SV2C: variants seen among roughly 807,000 people sequenced by gnomAD.
SV2C encodes the protein synaptic vesicle glycoprotein 2C.
SV2C carries 49 observed loss-of-function variants against 79.7 expected under a neutral mutation model. The observed-to-expected ratio is 0.61, with a 90% CI of 0.49 to 0.78. SV2C has a LOEUF of 0.78. SV2C is among the 30% of genes least tolerant of loss of function. The pLI, the probability that SV2C is intolerant of heterozygous loss-of-function variation, is 0.00. For missense variants in SV2C, 833 were observed against 912.9 expected (o/e 0.91, Z 1.13); for synonymous variants, 334 against 333.2 (o/e 1.00, Z -0.03).
the SV2C span, among the ~76,000 whole-genome samples, chr5:76,038,838 C>T: frequency 6.6e-6 from 1 of 152,188 alleles, no homozygotes; most frequent in Non-Finnish European, 1.5e-5. Flanking sequence ...TAATGAATAA[C>T]TCTGTAACAG....
At chr5:75,936,938 G>A in the SV2C span, among the ~76,000 whole-genome samples, 1 of 152,116 alleles carries the variant, frequency 6.6e-6, no homozygotes, top group East Asian at 1.9e-4. Flanking sequence ...CATAAAAATG[G>A]CCACACAAGC....
chr5:76,244,720 CA>C (rs554261121), intron 4 of SV2C, among the ~76,000 whole-genome samples: 43 of 152,276 alleles, frequency 2.8e-4, no homozygotes, highest in African/African-American at 9.9e-4. Context: ...CAAGTTGATC[CA>C]AACATACTTA....
Position 76,278,731 on chromosome 5 carries a change from G to A in SV2C, c.914-6431G>A, listed in dbSNP as rs72775716. Among the ~76,000 whole-genome samples the A allele has an allele frequency of 8.5e-3, 1,288 of 152,336 alleles. 8 individuals carry two copies. The highest frequency in any genetic ancestry group is 0.051 in the Middle Eastern group (15 of 294). ...GAAGATGAGCTCAGATACATGAATA[G>A]GAAGCAGTCTACATAGGCCTTAGGT... On this transcript the variant is annotated intron_variant, in intron 4 of 12. Coordinates refer to ENST00000502798, the MANE Select transcript of SV2C (RefSeq NM_014979.4).
the SV2C span, among the ~76,000 whole-genome samples, chr5:75,999,160 C>A: frequency 5.9e-5 from 9 of 152,068 alleles, no homozygotes; most frequent in African/African-American, 2.2e-4. Flanking sequence ...AAAGACTTGC[C>A]CCCATGATTC....
chr5:76,021,419 G>A, the SV2C span, among the ~76,000 whole-genome samples: 1 of 152,176 alleles, frequency 6.6e-6, no homozygotes, highest in South Asian at 2.1e-4. Flanking sequence ...GATAGCATCA[G>A]GTTTCCTATT....
the SV2C span, among the ~76,000 whole-genome samples, chr5:76,022,827 G>A: frequency 1.3e-5 from 2 of 152,096 alleles, no homozygotes; most frequent in South Asian, 2.1e-4. Flanking sequence ...CATCTTTGTT[G>A]TATTTTGATT....
At chr5:76,029,334 T>C in the SV2C span, among the ~76,000 whole-genome samples, 1 of 152,338 alleles carries the variant, frequency 6.6e-6, no homozygotes, top group East Asian at 1.9e-4. Context: ...ATATTCCTTC[T>C]ACCTAACTGA....
At chr5:76,114,771 C>T (rs1364400068) in intron 1 of SV2C, among the ~76,000 whole-genome samples, 3 of 152,214 alleles carry the variant, frequency 2.0e-5, no homozygotes, top group Non-Finnish European at 4.4e-5. Context: ...AGCCTGTGCT[C>T]GCCGGCTAGG....
At chr5:76,029,252 C>G in the SV2C span, among the ~76,000 whole-genome samples, 3 of 152,230 alleles carry the variant, frequency 2.0e-5, no homozygotes, top group African/African-American at 7.2e-5. Flanking sequence ...CATCTATCCT[C>G]TTACAATTTT....
chr5:76,246,041 T>C (rs1435522294), intron 4 of SV2C, among the ~76,000 whole-genome samples: 1 of 152,014 alleles, frequency 6.6e-6, no homozygotes, highest in Non-Finnish European at 1.5e-5. Context: ...GAAGGACATA[T>C]ATTTATCTTT....
At chr5:75,857,508 A>G in the SV2C span, among the ~76,000 whole-genome samples, 1 of 152,068 alleles carries the variant, frequency 6.6e-6, no homozygotes, top group Admixed American at 6.5e-5. Context: ...TTTGGTTACT[A>G]TAGCTCTGTA....
intron 2 of SV2C, among the ~76,000 whole-genome samples, chr5:76,148,170 G>A (rs1011633883): frequency 6.6e-6 from 1 of 152,144 alleles, no homozygotes; most frequent in Non-Finnish European, 1.5e-5. Context: ...GGAAGAGTGG[G>A]CTAAGGACAC....
At chr5:76,143,898 T>A (rs1381045806) in intron 2 of SV2C, among the ~76,000 whole-genome samples, 1 of 152,148 alleles carries the variant, frequency 6.6e-6, no homozygotes, top group East Asian at 1.9e-4. Context: ...GATTTAGTGC[T>A]CACAGAATCA....
At chr5:75,880,004 C>T in the SV2C span, among the ~76,000 whole-genome samples, 2 of 152,160 alleles carry the variant, frequency 1.3e-5, no homozygotes, top group Non-Finnish European at 1.5e-5. Flanking sequence ...AAGTGGCAAC[C>T]TGAGCTGTAT....
chr5:75,982,815 G>A, the SV2C span, among the ~76,000 whole-genome samples: 884 of 152,248 alleles, frequency 5.8e-3, 13 homozygotes, highest in African/African-American at 0.02. Flanking sequence ...CCTTTGCAGG[G>A]ACATGGATGG....
At chr5:76,262,330 CTTCT>C (rs760407884) in intron 4 of SV2C, among the ~76,000 whole-genome samples, 50 of 151,760 alleles carry the variant, frequency 3.3e-4, no homozygotes, top group Non-Finnish European at 6.8e-4. Flanking sequence ...TCCCTCTTTT[CTTCT>C]TTATTAGCCT....
the SV2C span, among the ~76,000 whole-genome samples, chr5:75,973,505 GAAAAAAAAGAA>G: frequency 6.7e-6 from 1 of 149,196 alleles, no homozygotes; most frequent in South Asian, 2.1e-4. Context: ...AAGAAAAAAA[GAAAAAAAAGAA>G]AAAGAAAAAA....
At chr5:76,131,160 G>T (rs552499037) in intron 1 of SV2C, among the ~76,000 whole-genome samples, 2 of 152,256 alleles carry the variant, frequency 1.3e-5, no homozygotes, top group African/African-American at 2.4e-5. Flanking sequence ...GCTATAGTTT[G>T]ATTGATAGCA....
intron 8 of SV2C, among the ~76,000 whole-genome samples, chr5:76,292,990 A>G (rs567706748): frequency 1.2e-4 from 18 of 152,274 alleles, no homozygotes; most frequent in South Asian, 1.0e-3. Context: ...AAATCAAACC[A>G]GGCAAGTGAT....
Sources: gnomAD v4.1 joint callset for allele counts (sites outside exome capture counted in the v4.1 genomes callset) on GRCh38, gnomAD v4.1.1 for gene constraint, MANE v1.5 for transcripts, NCBI Gene and HGNC (gene_info 2026-07-23, HGNC 2026-07-21) for gene names.